The following TRPC4 variants were observed in gnomAD, a reference collection of about 807,000 sequenced individuals.
TRPC4 encodes the protein transient receptor potential cation channel subfamily C member 4.
In TRPC4, 49 loss-of-function variants were observed where a neutral mutation model predicts 99.4. The observed-to-expected ratio is 0.49, with a 90% confidence interval of 0.39 to 0.63. The LOEUF is 0.63. TRPC4 is among the 20% of genes least tolerant of loss of function. The pLI is 0.00. For missense variants in TRPC4, 898 were observed against 1,152.9 expected, an observed-to-expected ratio of 0.78 and a Z score of 3.20; for synonymous variants, 454 against 425.9, an observed-to-expected ratio of 1.07 and a Z score of -0.81.
chr13:37,668,346 A>C (rs937800110), intron 5 of TRPC4, among the ~76,000 whole-genome samples: 1 of 152,182 alleles, frequency 6.6e-6, no homozygotes, highest in Non-Finnish European at 1.5e-5. Context: ...ATTCTTATGC[A>C]GGGAGCTTTG....
rs182871843 is a variant in TRPC4 at position 37,669,480 on chromosome 13, C to T, written c.1374+4748G>A. 2.5e-3 allele frequency among the ~76,000 whole-genome samples: 377 copies of T among 152,206 alleles called. 1 individual carries two copies. Among genetic ancestry groups the T allele is most frequent in the Middle Eastern group, 0.01 (3 of 294 alleles). On this transcript the variant is annotated intron_variant, in intron 5 of 10. Coordinates refer to ENST00000379705, the MANE Select transcript of TRPC4 (RefSeq NM_016179.4). ...GTTTATAACCCATGAGCTTTAAATG[C>T]TAATAAATCAAGATACTCAAGAAAA...
intron 1 of TRPC4, among the ~76,000 whole-genome samples, chr13:37,824,900 C>T (rs1410765125): frequency 1.3e-5 from 2 of 152,048 alleles, no homozygotes; most frequent in African/African-American, 4.8e-5. Context: ...TCCATCTGGT[C>T]CTGGACTCTT....
chr13:37,838,382 T>C (rs1958629583), intron 1 of TRPC4, among the ~76,000 whole-genome samples: 1 of 152,190 alleles, frequency 6.6e-6, no homozygotes, highest in Non-Finnish European at 1.5e-5. Context: ...TGATGAACTC[T>C]AGTTTGACAG....
rs1238361092 is a variant in TRPC4 at position 37,666,700 on chromosome 13, C to T, written c.1375-2971G>A. On this transcript the variant is annotated intron_variant, in intron 5 of 10. Transcript: ENST00000379705. ...TGAATTTTAAAAAATTTCTTTGCCT[C>T]TGCTATTTAGGAGCAATTTACAAAA... 2.6e-5 allele frequency among the ~76,000 whole-genome samples: 4 copies of T among 152,188 alleles called. No individual in the cohort carries two copies. In the East Asian group the frequency reaches 7.7e-4, roughly 29 times the overall value.
chr13:37,797,054 CT>C (rs1182141277), intron 1 of TRPC4, among the ~76,000 whole-genome samples: 2 of 147,968 alleles, frequency 1.4e-5, no homozygotes, highest in Non-Finnish European at 3.0e-5. Context: ...GTGGCTCACG[CT>C]TGTAATCCCA....
At chr13:37,732,130 G>T (rs1008616633) in intron 3 of TRPC4, among the ~76,000 whole-genome samples, 2 of 152,042 alleles carry the variant, frequency 1.3e-5, no homozygotes. Flanking sequence ...AATAAATAAA[G>T]ATTTCAGTTC....
chr13:37,653,138 T>A (rs1462606093), intron 7 of TRPC4, among the ~76,000 whole-genome samples: 2 of 152,222 alleles, frequency 1.3e-5, no homozygotes, highest in Non-Finnish European at 2.9e-5. Flanking sequence ...TTTCTCAATA[T>A]TGAAATTATT....
intron 3 of TRPC4, among the ~76,000 whole-genome samples, chr13:37,728,282 A>G (rs550183310): frequency 5.7e-4 from 87 of 152,162 alleles, no homozygotes; most frequent in South Asian, 1.9e-3. Flanking sequence ...TATATGCAGA[A>G]AACCCTGAAG....
At chr13:37,723,020 C>T (rs1196501735) in intron 3 of TRPC4, among the ~76,000 whole-genome samples, 3 of 152,068 alleles carry the variant, frequency 2.0e-5, no homozygotes, top group Non-Finnish European at 4.4e-5. Context: ...ATGGGAGCTA[C>T]GACACTGAGT....
chr13:37,808,947 G>A (rs1957603185), intron 1 of TRPC4, among the ~76,000 whole-genome samples: 1 of 152,064 alleles, frequency 6.6e-6, no homozygotes, highest in South Asian at 2.1e-4. Context: ...CATCATAGTG[G>A]TAAGACTCAC....
intron 3 of TRPC4, among the ~76,000 whole-genome samples, chr13:37,736,288 G>A (rs772573373): frequency 6.6e-6 from 1 of 152,166 alleles, no homozygotes; most frequent in Non-Finnish European, 1.5e-5. Flanking sequence ...CAGCAAGTGT[G>A]TGCACAACCA....
chr13:37,822,725 G>A (rs367728758), intron 1 of TRPC4, among the ~76,000 whole-genome samples: 16 of 151,400 alleles, frequency 1.1e-4, no homozygotes, highest in Non-Finnish European at 2.9e-5. Flanking sequence ...ATGCCGCAAT[G>A]AACATACGTG....
rs1002498259 is a variant in TRPC4 at position 37,636,228 on chromosome 13, TGTC to T, written c.*672_*674del. 6.6e-6 allele frequency among the ~76,000 whole-genome samples: 1 copy of T among 151,888 alleles called. No individual in the cohort carries two copies. Among genetic ancestry groups the T allele is most frequent in the Non-Finnish European group, 1.5e-5 (1 of 67,928 alleles). ...GGGGCGAGTTTTTTTCCTGACAAAA[TGTC>T]GTTAAAAATCATCAGTCATCAAAAT... On this transcript the variant is annotated 3_prime_UTR_variant, in exon 11 of 11. Coordinates refer to ENST00000379705, the MANE Select transcript of TRPC4 (RefSeq NM_016179.4).
chr13:37,686,935 G>A (rs1953501211), intron 4 of TRPC4, among the ~76,000 whole-genome samples: 2 of 151,882 alleles, frequency 1.3e-5, no homozygotes, highest in South Asian at 4.2e-4. Context: ...GTATTCATAT[G>A]ATAGCCTTCA....
chr13:37,759,687 T>C (rs1956176376), intron 2 of TRPC4, among the ~76,000 whole-genome samples: 1 of 151,940 alleles, frequency 6.6e-6, no homozygotes, highest in South Asian at 2.1e-4. Context: ...TACAAATATT[T>C]GTCCATCATA....
At chr13:37,787,964 G>A (rs1035546155) in intron 1 of TRPC4, among the ~76,000 whole-genome samples, 6 of 151,704 alleles carry the variant, frequency 4.0e-5, no homozygotes, top group African/African-American at 7.3e-5. Context: ...CACACATATC[G>A]AGGGGAATGG....
chr13:37,845,422 G>A lies in TRPC4; in HGVS notation c.-28+24173C>T, dbSNP rs554068300. 7.9e-5 allele frequency among the ~76,000 whole-genome samples: 12 copies of A among 152,008 alleles called. No homozygotes were observed. The South Asian group carries it at 2.3e-3, about 29-fold the overall frequency. ...AAAATCAAGTAAAATTTGGGAAAAA[G>A]TTATAAACAAAATGAGAAGCTTGCA... On this transcript the variant is annotated intron_variant, in intron 1 of 10. Transcript: ENST00000379705.
intron 3 of TRPC4, among the ~76,000 whole-genome samples, chr13:37,734,018 G>C (rs1035184690): frequency 6.6e-6 from 1 of 152,086 alleles, no homozygotes; most frequent in Non-Finnish European, 1.5e-5. Context: ...ATTCACACTT[G>C]CCCAGCAGAG....
intron 3 of TRPC4, among the ~76,000 whole-genome samples, chr13:37,738,762 G>T (rs1955485748): frequency 6.6e-6 from 1 of 152,024 alleles, no homozygotes; most frequent in Non-Finnish European, 1.5e-5. Context: ...CCACCTGGCT[G>T]AAATACAGAC....
Sources: allele counts gnomAD v4.1 joint callset (sites outside exome capture counted in the v4.1 genomes callset), GRCh38; gene constraint gnomAD v4.1.1; transcripts MANE v1.5; gene names NCBI Gene and HGNC (gene_info 2026-07-23, HGNC 2026-07-21).